The following CCDC6 variants were observed in gnomAD, a reference collection of about 807,000 sequenced individuals.
CCDC6 encodes the protein coiled-coil domain containing 6.
Under a neutral mutation model 56.6 loss-of-function variants are expected in CCDC6, and 20 were observed. That is an observed-to-expected ratio of 0.35 (90% CI 0.25 to 0.51). CCDC6 has a LOEUF of 0.51. Ranked by LOEUF, CCDC6 falls within the 20% of genes least tolerant of loss-of-function variation. The probability of loss-of-function intolerance (pLI) is 0.95; values close to 1 mark genes in which losing one functional copy is unlikely to be tolerated. For synonymous variants in CCDC6, 241 were observed against 234.4 expected, an observed-to-expected ratio of 1.03 and a Z score of -0.26; for missense variants, 367 against 601.1, an observed-to-expected ratio of 0.61 and a Z score of 4.07.
chr10:59,872,480 G>A (rs1181435115), intron 1 of CCDC6, among the ~76,000 whole-genome samples: 3 of 152,172 alleles, frequency 2.0e-5, no homozygotes, highest in Admixed American at 6.5e-5. Context: ...TTGCTCGTGC[G>A]AAGGTGTCCA....
chr10:59,879,528 G>T (rs973891105), intron 1 of CCDC6, among the ~76,000 whole-genome samples: 1 of 152,144 alleles, frequency 6.6e-6, no homozygotes, highest in African/African-American at 2.4e-5. Flanking sequence ...AGGTCACTCT[G>T]AGACGATGAC....
chr10:59,871,996 A>C (rs1362723064), intron 1 of CCDC6, among the ~76,000 whole-genome samples: 1 of 152,230 alleles, frequency 6.6e-6, no homozygotes, highest in Non-Finnish European at 1.5e-5. Flanking sequence ...GTATAAAGAA[A>C]ATAAGGAGCC....
At chr10:59,845,713 T>C (rs890504438) in intron 2 of CCDC6, among the ~76,000 whole-genome samples, 10 of 152,336 alleles carry the variant, frequency 6.6e-5, no homozygotes, top group African/African-American at 1.2e-4. Flanking sequence ...GAAAAAGCTC[T>C]GTTCTGTTTT....
intron 3 of CCDC6, among the ~76,000 whole-genome samples, chr10:59,819,010 C>G (rs1367328385): frequency 1.3e-5 from 2 of 152,056 alleles, no homozygotes; most frequent in African/African-American, 4.8e-5. Context: ...CTCACTGATT[C>G]ACTAAAAATG....
chr10:59,841,036 T>A (rs867509262), intron 2 of CCDC6, among the ~76,000 whole-genome samples: 52 of 152,270 alleles, frequency 3.4e-4, no homozygotes, highest in African/African-American at 1.3e-3. Flanking sequence ...CTGTGGTGGC[T>A]CCTCCCATGC....
intron 3 of CCDC6, among the ~76,000 whole-genome samples, chr10:59,828,479 G>C (rs1332257343): frequency 1.3e-5 from 2 of 152,202 alleles, no homozygotes; most frequent in Admixed American, 1.3e-4. Flanking sequence ...ACTAATGCAG[G>C]CTGTTTGAAC....
At chr10:59,797,669 A>T (rs1302800271) in intron 7 of CCDC6, among the ~76,000 whole-genome samples, 1 of 121,706 alleles carries the variant, frequency 8.2e-6, no homozygotes, top group African/African-American at 4.1e-5. Flanking sequence ...TGAGAGAGAG[A>T]GAGAGTGAGA....
chr10:59,835,932 G>A (rs552746601), intron 2 of CCDC6, among the ~76,000 whole-genome samples: 1 of 151,562 alleles, frequency 6.6e-6, no homozygotes, highest in Admixed American at 6.6e-5. Flanking sequence ...GCGCGCACCT[G>A]TAGTCCCAGC....
Position 59,900,729 on chromosome 10 carries a change from T to C in CCDC6, c.303+5393A>G, listed in dbSNP as rs577903459. On this transcript the variant is annotated intron_variant, in intron 1 of 8. Coordinates refer to ENST00000263102, the MANE Select transcript of CCDC6 (RefSeq NM_005436.5). ...CTAATGATTCCCCATCTCTAGCAAATAGGAAGCACTGTAAAAGACTGTCAT... is the reference window on the plus strand; with the variant it reads ...CTAATGATTCCCCATCTCTAGCAAACAGGAAGCACTGTAAAAGACTGTCAT... Among the ~76,000 whole-genome samples, 8 of 152,282 alleles carry C rather than the reference T, an allele frequency of 5.3e-5. No homozygotes were observed. The East Asian group carries it at 1.5e-3, about 29-fold the overall frequency.
chr10:59,835,516 C>T (rs1269715638), intron 2 of CCDC6, among the ~76,000 whole-genome samples: 1 of 152,184 alleles, frequency 6.6e-6, no homozygotes, highest in Non-Finnish European at 1.5e-5. Context: ...ATTACCAGAA[C>T]TCAAGTAAGG....
chr10:59,822,210 CATA>C (rs2070754225), intron 3 of CCDC6, among the ~76,000 whole-genome samples: 1 of 152,162 alleles, frequency 6.6e-6, no homozygotes, highest in African/African-American at 2.4e-5. Flanking sequence ...TTGAAACTGA[CATA>C]ATTTCAGGAC....
chr10:59,895,988 A>C (rs984996559), intron 1 of CCDC6, among the ~76,000 whole-genome samples: 1 of 152,196 alleles, frequency 6.6e-6, no homozygotes, highest in Non-Finnish European at 1.5e-5. Context: ...CTGGTTGGCA[A>C]TACTCCATGT....
At position 59,792,706 on chromosome 10, in the gene CCDC6, C is replaced by A; in HGVS notation, c.*211G>T. ...GACGTACATGAAGATTCAAGTAAAA[C>A]ACTGATGGAAAAAGTCGTCTGGTTA... On this transcript the variant is annotated 3_prime_UTR_variant, in exon 9 of 9. Coordinates refer to ENST00000263102, the MANE Select transcript of CCDC6 (RefSeq NM_005436.5). 3 of 762,838 alleles carry A rather than the reference C, an allele frequency of 3.9e-6. No individual in the cohort carries two copies. Among genetic ancestry groups the A allele is most frequent in the Non-Finnish European group, 7.2e-6 (3 of 417,242 alleles). The allele number at this position is 762,838 out of a possible 1,614,324, so 47.3% of individuals were successfully genotyped here.
At chr10:59,881,301 A>T (rs1043404532) in intron 1 of CCDC6, among the ~76,000 whole-genome samples, 7 of 152,054 alleles carry the variant, frequency 4.6e-5, no homozygotes, top group African/African-American at 1.7e-4. Context: ...TGTGAGCCAG[A>T]GTGTGATGTG....
intron 7 of CCDC6, among the ~76,000 whole-genome samples, chr10:59,799,124 A>G (rs1326301649): frequency 6.6e-6 from 1 of 151,086 alleles, no homozygotes; most frequent in Non-Finnish European, 1.5e-5. Flanking sequence ...AGTACTGCCT[A>G]CTTACTTAAA....
Position 59,804,466 on chromosome 10 carries a change from C to T in CCDC6, c.1059G>A (p.Pro353=), listed in dbSNP as rs16914155. ...QGLRPRTVSS[P]IPYTPSPSSS... ...AACTCGGAGAAGGTGTGTAAGGGAT[C>T]GGGCTGGACACAGTGCGAGGTCTTA... is the stretch of plus-strand genomic sequence containing the variant. Residue 353 remains proline, a synonymous_variant, in exon 7 of 9, where the codon CCG becomes CCA. Coordinates refer to ENST00000263102, the MANE Select transcript of CCDC6 (RefSeq NM_005436.5). The T allele has an allele frequency of 4.9e-4, 796 of 1,613,162 alleles. 7 individuals are homozygous for T. The African/African-American group carries it at 8.8e-3, about 18-fold the overall frequency.
chr10:59,873,547 A>G (rs79515996), intron 1 of CCDC6, among the ~76,000 whole-genome samples: 3 of 152,138 alleles, frequency 2.0e-5, no homozygotes, highest in African/African-American at 7.2e-5. Flanking sequence ...GAGAAAATTA[A>G]TTTCTATTGT....
intron 7 of CCDC6, among the ~76,000 whole-genome samples, chr10:59,795,927 C>CAAT (rs2070514266): frequency 6.6e-6 from 1 of 152,090 alleles, no homozygotes; most frequent in Non-Finnish European, 1.5e-5. Flanking sequence ...AATAGTGCCA[C>CAAT]AATAAACATA....
At chr10:59,849,530 T>C (rs925831561) in intron 2 of CCDC6, among the ~76,000 whole-genome samples, 2 of 152,244 alleles carry the variant, frequency 1.3e-5, no homozygotes, top group Non-Finnish European at 2.9e-5. Flanking sequence ...AGTCTCATTT[T>C]GTTCTCAGGA....
Sources: gnomAD v4.1 joint callset for allele counts (sites outside exome capture counted in the v4.1 genomes callset) on GRCh38, gnomAD v4.1.1 for gene constraint, MANE v1.5 for transcripts, NCBI Gene and HGNC (gene_info 2026-07-23, HGNC 2026-07-21) for gene names.